PRKDC: variants seen among roughly 807,000 people sequenced by gnomAD.
PRKDC encodes protein kinase, DNA-activated, catalytic subunit.
Under a neutral mutation model 486.9 loss-of-function variants are expected in PRKDC, and 82 were observed. That is an observed-to-expected ratio of 0.17 (90% CI 0.14 to 0.20). PRKDC has a LOEUF of 0.20. Ranked by LOEUF, PRKDC falls within the 10% of genes least tolerant of loss-of-function variation. The pLI is 1.00. For missense variants in PRKDC, 4,504 were observed against 5,038.2 expected (o/e 0.89, Z 3.21); for synonymous variants, 1,895 against 1,837.0 (o/e 1.03, Z -0.81).
Position 47,840,015 on chromosome 8 carries a change from C to G in PRKDC, c.7454+1G>C. The G allele has an allele frequency of 6.5e-7, 1 of 1,532,554 alleles. No individual in the cohort carries two copies. Among genetic ancestry groups the G allele is most frequent in the Non-Finnish European group, 8.8e-7 (1 of 1,134,204 alleles). 94.9% of individuals were successfully genotyped at this position (1,532,554 alleles called of 1,614,324 possible). ...AATAAAATAGTCAATGTATAGCTTA[C>G]CTGTAATTATCATGAATCCACATGA... is the stretch of plus-strand genomic sequence containing the variant. On this transcript the variant is annotated splice_donor_variant, in intron 55 of 85. Coordinates refer to ENST00000314191, the MANE Select transcript of PRKDC (RefSeq NM_006904.7). LOFTEE classifies it high-confidence loss of function.
At chr8:47,902,136 G>A (rs1230674257) in intron 27 of PRKDC, among the ~76,000 whole-genome samples, 1 of 152,046 alleles carries the variant, frequency 6.6e-6, no homozygotes, top group Admixed American at 6.5e-5. Context: ...GGACTTTATC[G>A]CCTCAGACAC....
rs1385853927 is a variant in PRKDC, at chr8:47,906,078, T to A, written c.2935-1102A>T. Among the ~76,000 whole-genome samples, 7 of 152,344 alleles carry A rather than the reference T, an allele frequency of 4.6e-5. No homozygotes were observed. In the South Asian group the frequency reaches 1.4e-3, roughly 32 times the overall value. The stretch of plus-strand genomic sequence containing the variant: ...AGAGTAAAATGCTGGCCAGGCGCAG[T>A]GGTTCATGCCCATAATCCCAGCATT... On this transcript the variant is annotated intron_variant, in intron 25 of 85. Transcript: ENST00000314191.
chr8:47,899,575 G>A (rs542696349), intron 28 of PRKDC, among the ~76,000 whole-genome samples: 28 of 152,218 alleles, frequency 1.8e-4, no homozygotes, highest in East Asian at 9.7e-4. Flanking sequence ...CCCAGGAGGC[G>A]GAGGTTGCAG....
chr8:47,947,546 T>A (rs1410948336), intron 7 of PRKDC, among the ~76,000 whole-genome samples: 1 of 152,132 alleles, frequency 6.6e-6, no homozygotes, highest in African/African-American at 2.4e-5. Flanking sequence ...GGCGGGTGGA[T>A]TGCTTCAGCT....
chr8:47,866,721 A>G (rs1309812870), intron 40 of PRKDC, among the ~76,000 whole-genome samples: 1 of 152,218 alleles, frequency 6.6e-6, no homozygotes, highest in Non-Finnish European at 1.5e-5. Flanking sequence ...ATACACTAGT[A>G]TATTACAAAT....
intron 26 of PRKDC, among the ~76,000 whole-genome samples, chr8:47,904,138 C>G (rs2089731183): frequency 6.6e-6 from 1 of 152,188 alleles, no homozygotes; most frequent in South Asian, 2.1e-4. Flanking sequence ...CGACCAAATT[C>G]TAAGACAATG....
At chr8:47,814,590 C>T (rs951118970) in intron 68 of PRKDC, among the ~76,000 whole-genome samples, 2 of 151,836 alleles carry the variant, frequency 1.3e-5, no homozygotes, top group Non-Finnish European at 2.9e-5. Context: ...ATAACAGTGC[C>T]AAAAAACATA....
intron 68 of PRKDC, among the ~76,000 whole-genome samples, chr8:47,815,771 ATCCACAAAT>A (rs2087430166): frequency 6.6e-6 from 1 of 152,254 alleles, no homozygotes; most frequent in Non-Finnish European, 1.5e-5. Context: ...GCCAGGAGTC[ATCCACAAAT>A]GTGAAATACA....
Position 47,960,095 on chromosome 8 carries a change from G to C in PRKDC, c.32C>G (p.Ser11Cys), listed in dbSNP as rs1201715412. Residue 11 changes from serine to cysteine, a missense_variant, in exon 1 of 86, where the codon TCC becomes TGC. By Grantham distance (112) the Ser-to-Cys change is moderately radical. This residue lies in a region of PRKDC where 145 missense variants were observed against 136.3 expected (regional missense o/e 1.06). Transcript: ENST00000314191. ...CAAGGTCTCCTGCAGCCGCAGCAGGGAGCAACGCACACCGGCTCCGGAGCC... is the reference window on the plus strand; with the variant it reads ...CAAGGTCTCCTGCAGCCGCAGCAGGCAGCAACGCACACCGGCTCCGGAGCC... The part of the protein sequence containing the change: MAGSGAGVRC[S>C]LLRLQETLSA... 2.0e-6 allele frequency: 3 copies of C among 1,525,256 alleles called. No homozygotes were observed. The highest frequency in any genetic ancestry group is 1.2e-5 in the South Asian group (1 of 83,450). The allele number at this position is 1,525,256 out of a possible 1,614,324, so 94.5% of individuals were successfully genotyped here. A position where few individuals can be genotyped will look rare whatever the true frequency, so the allele number is the denominator to read the frequency against.
chr8:47,797,130 G>A (rs1241940955), intron 73 of PRKDC, among the ~76,000 whole-genome samples: 1 of 152,216 alleles, frequency 6.6e-6, no homozygotes, highest in African/African-American at 2.4e-5. Context: ...GCTGAGGACA[G>A]CATGGCGTGT....
intron 61 of PRKDC, among the ~76,000 whole-genome samples, chr8:47,828,690 G>A (rs2087794362): frequency 6.6e-6 from 1 of 152,166 alleles, no homozygotes; most frequent in African/African-American, 2.4e-5. Flanking sequence ...TGGGCTGCGG[G>A]GAAGATTAGC....
intron 81 of PRKDC, 56 bp from the exon 82 acceptor site, chr8:47,778,855 T>C (rs2086651888): frequency 2.0e-6 from 3 of 1,534,876 alleles, no homozygotes; most frequent in South Asian, 1.2e-5. Flanking sequence ...ACTTAAAATT[T>C]AAATTTTAAA....
intron 54 of PRKDC, among the ~76,000 whole-genome samples, chr8:47,847,250 A>C (rs1256818537): frequency 1.3e-5 from 2 of 152,214 alleles, no homozygotes. Context: ...TACTACAGGG[A>C]TACAATAATC....
At chr8:47,795,328 T>A (rs1322621383) in intron 73 of PRKDC, among the ~76,000 whole-genome samples, 1 of 150,618 alleles carries the variant, frequency 6.6e-6, no homozygotes, top group Non-Finnish European at 1.5e-5. Context: ...TAGCTGGGAC[T>A]ACAGGCGCCT....
chr8:47,860,533 G>A (rs984024313), intron 45 of PRKDC, among the ~76,000 whole-genome samples: 6 of 152,156 alleles, frequency 3.9e-5, no homozygotes, highest in African/African-American at 9.7e-5. Context: ...AGAGTGGCTC[G>A]AAAGGACTTG....
chr8:47,822,606 C>T (rs1344425841), intron 64 of PRKDC, among the ~76,000 whole-genome samples: 2 of 151,810 alleles, frequency 1.3e-5, no homozygotes, highest in East Asian at 3.9e-4. Context: ...CTGGCTAACA[C>T]GGTGAAACCC....
rs1373306173 is a variant in PRKDC, at chr8:47,933,041, T to C, written c.1755A>G (p.Ile585Met). 1.3e-6 allele frequency: 2 copies of C among 1,598,002 alleles called. No individual in the cohort carries two copies. Among genetic ancestry groups the C allele is most frequent in the Admixed American group, 1.8e-5 (1 of 56,756 alleles). Residue 585 changes from isoleucine (I) to methionine (M), a missense_variant, in exon 16 of 86, where the codon ATA (isoleucine) becomes ATG (methionine). Physicochemically the swap from Ile to Met is conservative, Grantham distance 10 (BLOSUM62 1). Around this residue, in one of 6 missense-constraint regions of PRKDC, gnomAD observed 1,969 missense variants for 2,068.9 expected, o/e 0.95. Coordinates refer to ENST00000314191, the MANE Select transcript of PRKDC (RefSeq NM_006904.7). ...TAACCTCTTGTTCCCCAACAGTCTGTATTTCAAGTGTAAGATCCAATTTCT... is the reference window on the plus strand; with the variant it reads ...TAACCTCTTGTTCCCCAACAGTCTGCATTTCAAGTGTAAGATCCAATTTCT... ...IVEKLDLTLE[I>M]QTVGEQENGD...
At chr8:47,944,273 G>T (rs986032384) in intron 7 of PRKDC, among the ~76,000 whole-genome samples, 2 of 152,020 alleles carry the variant, frequency 1.3e-5, no homozygotes, top group African/African-American at 4.8e-5. Context: ...TCACTTACAA[G>T]CTCTAAGAGA....
At chr8:47,862,618 A>G in intron 42 of PRKDC, 77 bp from the exon 43 acceptor site, 2 of 1,396,034 alleles carry the variant, frequency 1.4e-6, no homozygotes, top group Non-Finnish European at 9.7e-7. Context: ...GCCAGACAAC[A>G]GGACCTAATG....
Sources: gnomAD v4.1 joint callset for allele counts (sites outside exome capture counted in the v4.1 genomes callset) on GRCh38, gnomAD v4.1.1 for gene constraint, gnomAD v4.1.1 regional missense constraint, MANE v1.5 for transcripts, NCBI Gene and HGNC (gene_info 2026-07-23, HGNC 2026-07-21) for gene names.